POLR1C: variants seen among roughly 807,000 people sequenced by gnomAD.
POLR1C encodes the protein DNA-directed RNA polymerases I and III subunit RPAC1.
Under a neutral mutation model 38.3 loss-of-function variants are expected in POLR1C, and 42 were observed. That is an observed-to-expected ratio of 1.10 (90% CI 0.86 to 1.42). The LOEUF is 1.42. POLR1C is among the 40% of genes most tolerant of loss of function. The probability of loss-of-function intolerance (pLI) is 0.00; values close to 1 mark genes in which losing one functional copy is unlikely to be tolerated. For missense variants in POLR1C, 507 were observed against 450.5 expected, an observed-to-expected ratio of 1.13 and a Z score of -1.14; for synonymous variants, 163 against 163.9, an observed-to-expected ratio of 0.99 and a Z score of 0.04.
At chr6:43,527,373 G>A (rs938561666) in intron 8 of POLR1C, 9 of 296,896 alleles carry the variant, frequency 3.0e-5, no homozygotes, top group Middle Eastern at 1.1e-3. Flanking sequence ...CCGGGTTCAA[G>A]CGATTCTCCT....
chr6:43,518,617 G>T (rs997600814), intron 2 of POLR1C, among the ~76,000 whole-genome samples: 1 of 152,132 alleles, frequency 6.6e-6, no homozygotes, highest in African/African-American at 2.4e-5. Context: ...GGTGGAAGTC[G>T]ATCATCAGAG....
intron 10 of POLR1C, chr6:43,556,068 G>T (rs1007184556): frequency 2.0e-6 from 3 of 1,465,926 alleles, no homozygotes; most frequent in Admixed American, 4.4e-5. Context: ...GCATTCAAAG[G>T]AACTGTTTTG....
chr6:43,528,312 T>C, intron 8 of POLR1C: 4 of 1,174,686 alleles, frequency 3.4e-6, no homozygotes, highest in East Asian at 2.6e-5. Context: ...AGGATGATTC[T>C]AGGCATCAAT....
At chr6:43,561,334 C>A in intron 10 of POLR1C, 1 of 250,450 alleles carries the variant, frequency 4.0e-6, no homozygotes, top group Non-Finnish European at 7.8e-6. Flanking sequence ...TACCTATTCA[C>A]ATCTCTGTGT....
At chr6:43,522,677 T>C (rs750062649), downstream of POLR1C, 10 of 485,676 alleles carry the variant, frequency 2.1e-5, no homozygotes, top group Non-Finnish European at 3.5e-5. Context: ...AGCTAAAAAC[T>C]GTAGCTTCAG....
exon 9 of POLR1C, chr6:43,529,259 T>A (rs1313485028): frequency 1.5e-6 from 2 of 1,370,204 alleles, no homozygotes; most frequent in Non-Finnish European, 1.9e-6. Flanking sequence ...GTAAGAAAGA[T>A]TTGCTGGCTG....
chr6:43,540,395 C>G (rs577177536), intron 9 of POLR1C, among the ~76,000 whole-genome samples: 1 of 152,302 alleles, frequency 6.6e-6, no homozygotes, highest in East Asian at 1.9e-4. Flanking sequence ...AGGAGAATGC[C>G]GTGAACCTGG....
intron 10 of POLR1C, among the ~76,000 whole-genome samples, chr6:43,551,786 C>T (rs1186023491): frequency 6.6e-6 from 1 of 152,196 alleles, no homozygotes; most frequent in African/African-American, 2.4e-5. Flanking sequence ...CGGCCTCAGC[C>T]TCCCAAGTAG....
chr6:43,533,539 T>C, downstream of POLR1C: 1 of 175,570 alleles, frequency 5.7e-6, no homozygotes, highest in Non-Finnish European at 1.2e-5. Context: ...CAAGATAGGC[T>C]GAAGCTGCTC....
intron 9 of POLR1C, among the ~76,000 whole-genome samples, chr6:43,545,784 T>TA: frequency 6.6e-6 from 1 of 151,914 alleles, no homozygotes; most frequent in Non-Finnish European, 1.5e-5. Context: ...CTGAATTATA[T>TA]AAAAAAACCT....
In POLR1C at chr6:43,520,975, C is replaced by T. The variant is rs1561858567; in HGVS notation, c.849C>T (p.Phe283=). ...ARVANPRLDT[F]SREIFRNEKL... ...TTGCCAACCCCCGGCTGGATACCTT[C>T]AGCAGAGAAATCTTCCGGAATGAGA... Residue 283 remains phenylalanine (F), a synonymous_variant, in exon 8 of 9, where the codon TTC becomes TTT. Coordinates refer to ENST00000642195, the MANE Select transcript of POLR1C (RefSeq NM_203290.4). 2 of 1,614,212 alleles carry T rather than the reference C, an allele frequency of 1.2e-6. No homozygotes were observed. The highest frequency in any genetic ancestry group is 1.1e-5 in the South Asian group (1 of 91,086).
intron 9 of POLR1C, chr6:43,546,606 A>T: frequency 1.2e-6 from 2 of 1,612,336 alleles, no homozygotes; most frequent in South Asian, 2.2e-5. Context: ...GAAGTTTCAG[A>T]ATCTGCTCTG....
downstream of POLR1C, chr6:43,525,397 C>T (rs1008787964): frequency 1.8e-5 from 11 of 613,410 alleles, no homozygotes; most frequent in Non-Finnish European, 3.1e-5. Flanking sequence ...CTAAGCCTCC[C>T]GAATAGCTGG....
chr6:43,536,341 G>A (rs1253180094), intron 9 of POLR1C, among the ~76,000 whole-genome samples: 1 of 151,022 alleles, frequency 6.6e-6, no homozygotes, highest in African/African-American at 2.4e-5. Context: ...CTTGAACCCA[G>A]GAGGCGGAAA....
intron 8 of POLR1C, chr6:43,527,522 C>T: frequency 9.4e-7 from 1 of 1,062,160 alleles, no homozygotes; most frequent in Non-Finnish European, 1.4e-6. Flanking sequence ...TCCACCATGC[C>T]CGCCGCAAAC....
chr6:43,522,969 T>A (rs1793288866), downstream of POLR1C: 1 of 176,876 alleles, frequency 5.7e-6, no homozygotes, highest in East Asian at 1.6e-4. Flanking sequence ...ACCATGAGAT[T>A]GTGGAAGGCA....
chr6:43,518,711 G>C (rs769540085), intron 2 of POLR1C, among the ~76,000 whole-genome samples: 12 of 152,124 alleles, frequency 7.9e-5, no homozygotes, highest in Admixed American at 2.6e-4. Flanking sequence ...CTTTTCATGA[G>C]GCACTCTTAT....
chr6:43,525,477 A>G, downstream of POLR1C: 1 of 514,258 alleles, frequency 1.9e-6, no homozygotes, highest in Non-Finnish European at 3.4e-6. Flanking sequence ...GGAAAAATAA[A>G]AGGAGTTTAC....
downstream of POLR1C, chr6:43,531,636 C>T (rs1793986876): frequency 7.2e-7 from 1 of 1,397,704 alleles, no homozygotes; most frequent in Admixed American, 1.7e-5. Flanking sequence ...AATTGGCCAA[C>T]ACTCTACAGC....
Sources: allele counts gnomAD v4.1 joint callset (sites outside exome capture counted in the v4.1 genomes callset), GRCh38; gene constraint gnomAD v4.1.1; transcripts MANE v1.5; gene names NCBI Gene and HGNC (gene_info 2026-07-23, HGNC 2026-07-21).